Variants in ATP8A2 observed in about 807,000 individuals in gnomAD.
ATP8A2 encodes the protein phospholipid-transporting ATPase IB.
ATP8A2 carries 100 observed loss-of-function variants against 165.6 expected under a neutral mutation model. The ratio of observed to expected loss-of-function variants is 0.60; its 90% CI spans 0.51 to 0.71. The LOEUF (loss-of-function observed/expected upper bound fraction) is 0.71. ATP8A2 is among the 30% of genes least tolerant of loss of function. The pLI, the probability that ATP8A2 is intolerant of heterozygous loss-of-function variation, is 0.00. For missense variants in ATP8A2, 1,227 were observed against 1,479.5 expected, an observed-to-expected ratio of 0.83 and a Z score of 2.80; for synonymous variants, 543 against 548.8, an observed-to-expected ratio of 0.99 and a Z score of 0.15.
At chr13:25,554,562 TG>T (rs1162135303) in intron 12 of ATP8A2, among the ~76,000 whole-genome samples, 1 of 151,254 alleles carries the variant, frequency 6.6e-6, no homozygotes, top group Non-Finnish European at 1.5e-5. Context: ...TGTGTGTGTG[TG>T]TGTATTTCTT....
chr13:25,656,753 A>G (rs1377763195), intron 24 of ATP8A2, among the ~76,000 whole-genome samples: 12 of 151,556 alleles, frequency 7.9e-5, no homozygotes, highest in Admixed American at 5.9e-4. Context: ...AAAAAAAAAA[A>G]AAAGATATAT....
chr13:25,951,014 CG>C (rs1311024096), intron 33 of ATP8A2, among the ~76,000 whole-genome samples: 1 of 152,112 alleles, frequency 6.6e-6, no homozygotes, highest in East Asian at 1.9e-4. Context: ...GTGGAGCAAC[CG>C]GAATGCGCCT....
chr13:25,567,054 C>T (rs1478747070), intron 16 of ATP8A2: 1 of 269,106 alleles, frequency 3.7e-6, no homozygotes, highest in Non-Finnish European at 7.4e-6. Flanking sequence ...TGGCCTGGGG[C>T]AAATCCTTAC....
intron 24 of ATP8A2, among the ~76,000 whole-genome samples, chr13:25,635,615 G>C (rs1446754901): frequency 6.6e-6 from 1 of 152,166 alleles, no homozygotes; most frequent in African/African-American, 2.4e-5. Context: ...CTGTTAAATG[G>C]TTTCAGGGAA....
chr13:25,583,464 C>T (rs961405676), intron 23 of ATP8A2, among the ~76,000 whole-genome samples: 6 of 152,134 alleles, frequency 3.9e-5, no homozygotes, highest in African/African-American at 7.2e-5. Flanking sequence ...TTCCCGCTGG[C>T]CTAATAACCT....
At chr13:25,571,586 G>T (rs893278110) in intron 17 of ATP8A2, 24 bp from the exon 18 acceptor site, 6 of 1,588,852 alleles carry the variant, frequency 3.8e-6, no homozygotes, top group Non-Finnish European at 4.3e-6. Flanking sequence ...ATATGTCAAT[G>T]TTTCACCAAC....
rs186380178 is a variant in ATP8A2, at chr13:25,392,617, A to G, written c.76+20329A>G. Among the ~76,000 whole-genome samples the G allele has an allele frequency of 2.3e-4, 35 of 152,312 alleles. No individual in the cohort carries two copies. The East Asian group carries it at 6.7e-3, about 29-fold the overall frequency. ...ACTAATTAAATTATTGTAACTCATA[A>G]ACTAGCCTTTTATAAAAAAATTTTG... On this transcript the variant is annotated intron_variant, in intron 1 of 36. Coordinates refer to ENST00000381655, the MANE Select transcript of ATP8A2 (RefSeq NM_016529.6).
At chr13:25,633,578 A>C (rs1309917357) in intron 24 of ATP8A2, among the ~76,000 whole-genome samples, 3 of 152,244 alleles carry the variant, frequency 2.0e-5, no homozygotes, top group Non-Finnish European at 4.4e-5. Context: ...TTATAATGAC[A>C]ACAATGAAGT....
chr13:25,900,389 A>G (rs306419), intron 33 of ATP8A2, among the ~76,000 whole-genome samples: 44,581 of 152,046 alleles, frequency 0.29, 7,669 homozygotes, highest in African/African-American at 0.47. Flanking sequence ...TCTGAGAGTC[A>G]GCCAAAACGT....
intron 25 of ATP8A2, among the ~76,000 whole-genome samples, chr13:25,743,838 T>C (rs74037421): frequency 0.028 from 4,336 of 152,304 alleles, 199 homozygotes; most frequent in African/African-American, 0.098. Flanking sequence ...TATTGATGAA[T>C]GAGGTGAAGG....
intron 27 of ATP8A2, among the ~76,000 whole-genome samples, chr13:25,814,488 C>T (rs1950958493): frequency 6.6e-6 from 1 of 151,878 alleles, no homozygotes; most frequent in Non-Finnish European, 1.5e-5. Context: ...TACAGAGCTA[C>T]AGTAGTCAAA....
At chr13:25,649,204 G>A (rs2041752821) in intron 24 of ATP8A2, among the ~76,000 whole-genome samples, 1 of 152,156 alleles carries the variant, frequency 6.6e-6, no homozygotes, top group Admixed American at 6.5e-5. Flanking sequence ...GGGCTAGCTG[G>A]TAACAGCCTT....
intron 24 of ATP8A2, among the ~76,000 whole-genome samples, chr13:25,648,509 C>G (rs540006082): frequency 6.6e-6 from 1 of 152,034 alleles, no homozygotes; most frequent in Non-Finnish European, 1.5e-5. Flanking sequence ...ACTAAAAATA[C>G]AAAGATTAGC....
chr13:25,561,059 T>C (rs111498412), intron 15 of ATP8A2, among the ~76,000 whole-genome samples: 4,999 of 152,056 alleles, frequency 0.033, 145 homozygotes, highest in Non-Finnish European at 0.044. Context: ...GCTAATTTTT[T>C]GTATTTTTAG....
chr13:25,949,048 C>T (rs1379825478), intron 33 of ATP8A2, among the ~76,000 whole-genome samples: 1 of 152,230 alleles, frequency 6.6e-6, no homozygotes, highest in Non-Finnish European at 1.5e-5. Flanking sequence ...TGACTTCATC[C>T]CCCTCTGTGG....
At chr13:25,993,615 C>T (rs371255596) in intron 35 of ATP8A2, among the ~76,000 whole-genome samples, 1 of 152,288 alleles carries the variant, frequency 6.6e-6, no homozygotes, top group African/African-American at 2.4e-5. Flanking sequence ...CTTTCTTCCA[C>T]TGAATTGCTT....
At chr13:25,506,959 A>ATCTC (rs1555285067) in intron 2 of ATP8A2, among the ~76,000 whole-genome samples, 1 of 145,946 alleles carries the variant, frequency 6.9e-6, no homozygotes, top group African/African-American at 2.5e-5. Flanking sequence ...ATATATATAT[A>ATCTC]TATCTTATTT....
chr13:25,551,192 A>G, intron 10 of ATP8A2, 146 bp from the exon 11 acceptor site: 1 of 681,748 alleles, frequency 1.5e-6, no homozygotes, highest in South Asian at 2.1e-5. Flanking sequence ...GGAGCATGGT[A>G]CACTTTTGAA....
intron 16 of ATP8A2, among the ~76,000 whole-genome samples, chr13:25,567,677 C>T (rs2039354909): frequency 1.3e-5 from 2 of 152,168 alleles, no homozygotes; most frequent in South Asian, 4.1e-4. Context: ...GCCTCCTAGC[C>T]TATGTGTACC....
Sources: gnomAD v4.1 joint callset for allele counts (sites outside exome capture counted in the v4.1 genomes callset) on GRCh38, gnomAD v4.1.1 for gene constraint, MANE v1.5 for transcripts, NCBI Gene and HGNC (gene_info 2026-07-23, HGNC 2026-07-21) for gene names.